Variants in APLP2 observed in about 807,000 individuals in gnomAD.
The protein encoded by APLP2 is amyloid beta precursor like protein 2, also known as CDEI box-binding protein.
APLP2 carries 53 observed loss-of-function variants against 89.9 expected under a neutral mutation model. The ratio of observed to expected loss-of-function variants is 0.59; its 90% CI spans 0.47 to 0.74. The LOEUF is 0.74. Among genes scored for constraint, APLP2 ranks in the 30% least tolerant of loss-of-function variants. The pLI is 0.00. For missense variants in APLP2, 973 were observed against 975.9 expected (o/e 1.00, Z 0.04); for synonymous variants, 372 against 348.6 (o/e 1.07, Z -0.75).
chr11:130,077,983 T>C (rs1942426195), intron 1 of APLP2, among the ~76,000 whole-genome samples: 1 of 152,202 alleles, frequency 6.6e-6, no homozygotes, highest in Non-Finnish European at 1.5e-5. Context: ...CAGTGTGTTT[T>C]TGTAAATGAA....
At chr11:130,124,041 G>A (rs767193079) in intron 7 of APLP2, among the ~76,000 whole-genome samples, 5 of 152,170 alleles carry the variant, frequency 3.3e-5, no homozygotes, top group Non-Finnish European at 5.9e-5. Context: ...TTGGTATAGC[G>A]GGCAGCACAG....
chr11:130,141,615 A>G lies in APLP2; in HGVS notation c.1998+43A>G. 4 of 1,560,474 alleles carry G rather than the reference A, an allele frequency of 2.6e-6. No individual in the cohort carries two copies. The highest frequency in any genetic ancestry group is 2.7e-6 in the Non-Finnish European group (3 of 1,131,992). The stretch of plus-strand genomic sequence containing the variant: ...GAACCTAAGGTTTCCTGCCAATCTT[A>G]GGTATTTCTCCTCTGGACCTTCTCA... On this transcript the variant is annotated intron_variant, in intron 15 of 16. Coordinates refer to ENST00000338167, the MANE Select transcript of APLP2 (RefSeq NM_001142276.2). The surrounding 1 kb of genome is among the most constrained non-coding windows in gnomAD (Gnocchi z 4.2).
chr11:130,087,985 C>T (rs2135487720), intron 1 of APLP2, among the ~76,000 whole-genome samples: 1 of 152,276 alleles, frequency 6.6e-6, no homozygotes, highest in South Asian at 2.1e-4. Context: ...TTAAGTATTG[C>T]TTTTAAAAGA....
In APLP2 at chr11:130,142,062, C is replaced by G; in HGVS notation, c.2142C>G (p.His714Gln). The change falls in exon 16 of 17, where the codon CAC (histidine) becomes CAG (glutamine). Residue 714 changes from histidine to glutamine, a missense_variant. Transcript: ENST00000338167. ...AGAGGCAGTATGGCACCATCAGCCACGGGATCGTGGAGGTGAGGAGCTGGG... is the reference window on the plus strand; with the variant it reads ...AGAGGCAGTATGGCACCATCAGCCAGGGGATCGTGGAGGTGAGGAGCTGGG... ...LRKRQYGTIS[H>Q]GIVEVDPMLT... 1 of 1,611,644 alleles carries G rather than the reference C, an allele frequency of 6.2e-7. No individual in the cohort carries two copies. Among genetic ancestry groups the G allele is most frequent in the Non-Finnish European group, 8.5e-7 (1 of 1,178,804 alleles).
In APLP2 at chr11:130,070,012, C is replaced by A. The variant is rs564053004; in HGVS notation, c.35C>A (p.Thr12Lys). ...ACCGGGACCGCGGCCGCCGCAGCCA[C>A]GGGCAGGCTCCTGCTTCTGCTGCTG... Reference protein sequence around the residue: ...AATGTAAAAATGRLLLLLLVG... With the variant: ...AATGTAAAAAKGRLLLLLLVG... The change falls in exon 1 of 17, where the codon ACG becomes AAG. Residue 12 changes from threonine to lysine, a missense_variant. Physicochemically the swap from Thr to Lys is moderately conservative, Grantham distance 78. Transcript: ENST00000338167. The A allele has an allele frequency of 2.7e-6, 4 of 1,507,896 alleles. No individual in the cohort carries two copies. In the South Asian group the frequency reaches 3.7e-5, roughly 14 times the overall value. 93.4% of individuals were successfully genotyped at this position (1,507,896 alleles called of 1,614,324 possible). A position where few individuals can be genotyped will look rare whatever the true frequency, so the allele number is the denominator to read the frequency against.
At chr11:130,092,862 A>G (rs1945614755) in intron 1 of APLP2, among the ~76,000 whole-genome samples, 1 of 152,052 alleles carries the variant, frequency 6.6e-6, no homozygotes, top group Non-Finnish European at 1.5e-5. Context: ...CCAGCAAATC[A>G]GAAAAGGCTG....
At position 130,135,574 on chromosome 11, in the gene APLP2, C is replaced by T; in HGVS notation, c.1696C>T (p.Gln566Ter). ...CCTGTCTTCATCAGATGAGCTCCTT[C>T]AGGAGCAGCGTGCAGATATGGACCA... Reference protein sequence around the residue: ...EIQEEIDELLQEQRADMDQFT... With the variant: ...EIQEEIDELL Residue 566 changes from glutamine (Q) to a stop codon, truncating the protein, a stop_gained, in exon 13 of 17, where the codon CAG becomes TAG. Coordinates refer to ENST00000338167, the MANE Select transcript of APLP2 (RefSeq NM_001142276.2). LOFTEE classifies it high-confidence loss of function. 6.2e-7 allele frequency: 1 copy of T among 1,614,104 alleles called. No individual in the cohort carries two copies. Among genetic ancestry groups the T allele is most frequent in the Non-Finnish European group, 8.5e-7 (1 of 1,179,982 alleles).
intron 1 of APLP2, among the ~76,000 whole-genome samples, chr11:130,091,398 G>A (rs1945139687): frequency 2.8e-5 from 4 of 145,294 alleles, no homozygotes; most frequent in Admixed American, 1.3e-4. Context: ...CGGATGGGGC[G>A]GCTGGCCGGG....
chr11:130,138,931 T>G (rs1489615203), intron 13 of APLP2: 2 of 152,086 alleles, frequency 1.3e-5, no homozygotes, highest in Admixed American at 6.6e-5. Flanking sequence ...AGTGCCACAT[T>G]GCTTTTTGAA....
chr11:130,071,418 C>A (rs373027094), intron 1 of APLP2, among the ~76,000 whole-genome samples: 1 of 152,168 alleles, frequency 6.6e-6, no homozygotes, highest in African/African-American at 2.4e-5. Flanking sequence ...TTTTGGATTG[C>A]GATTGTTTCA....
rs758938177 is a variant in APLP2 at position 130,133,600 on chromosome 11, A to G, written c.1585-29A>G. Reference sequence around the variant, plus strand: ...CCTGGCCTAGTTGTTTTCAGTCACAACACCTCTCCACCATAACTCTGCTTC... The same window carrying G: ...CCTGGCCTAGTTGTTTTCAGTCACAGCACCTCTCCACCATAACTCTGCTTC... On this transcript the variant is annotated intron_variant, in intron 11 of 16. Transcript: ENST00000338167. The G allele has an allele frequency of 1.3e-5, 21 of 1,572,730 alleles. No individual in the cohort carries two copies. In the Admixed American group the frequency reaches 3.2e-4, roughly 24 times the overall value.
In APLP2 at chr11:130,123,080, A is replaced by G. The variant is rs988930151; in HGVS notation, c.923-532A>G. Among the ~76,000 whole-genome samples the G allele has an allele frequency of 4.6e-5, 7 of 152,004 alleles. No homozygotes were observed. Among genetic ancestry groups the G allele is most frequent in the Non-Finnish European group, 1.0e-4 (7 of 68,018 alleles). ...TAACATGCAGCCTCCTGCTGATCGT[A>G]TATTTGAAACCAATTAAGATGCGAA... On this transcript the variant is annotated intron_variant, in intron 6 of 16. Coordinates refer to ENST00000338167, the MANE Select transcript of APLP2 (RefSeq NM_001142276.2). This position sits in a 1 kb window ranked among gnomAD's most constrained non-coding sequence, Gnocchi z 4.0.
chr11:130,121,729 C>T lies in APLP2; in HGVS notation c.632C>T (p.Ser211Phe). Residue 211 changes from serine to phenylalanine, a missense_variant, in exon 5 of 17, where the codon TCT becomes TTT. Physicochemically the swap from Ser to Phe is radical, Grantham distance 155 (BLOSUM62 -2). Coordinates refer to ENST00000338167, the MANE Select transcript of APLP2 (RefSeq NM_001142276.2). ...TGCCCTCAGACAAAGATTATTGGAT[C>T]TGTGTCAAAAGAAGAGGAAGAGGAA... ...VCCPQTKIIGSVSKEEEEEDE... is the reference protein window; with the variant it reads ...VCCPQTKIIGFVSKEEEEEDE... 6.2e-7 allele frequency: 1 copy of T among 1,613,834 alleles called. No individual in the cohort carries two copies. The highest frequency in any genetic ancestry group is 8.5e-7 in the Non-Finnish European group (1 of 1,179,996).
intron 1 of APLP2, chr11:130,101,800 C>CT: frequency 2.7e-6 from 1 of 373,176 alleles, no homozygotes; most frequent in Non-Finnish European, 5.3e-6. Flanking sequence ...TGCACTGGCA[C>CT]AGCACTGTTA....
chr11:130,110,459 T>C, intron 2 of APLP2, 79 bp from the exon 3 acceptor site: 12 of 1,548,446 alleles, frequency 7.7e-6, no homozygotes, highest in Middle Eastern at 1.8e-4. Context: ...CTGAATAAAC[T>C]TAGACACTCC....
Position 130,121,817 on chromosome 11 carries a change from C to G in APLP2, c.713+7C>G, listed in dbSNP as rs1171441676. ...ACTATGATGTTTATAAAAGGTAACT[C>G]TTCTACTTTGAACTGTGAAGTCGTT... is the stretch of plus-strand genomic sequence containing the variant. On this transcript the variant is annotated splice_region_variant and intron_variant, in intron 5 of 16. Transcript: ENST00000338167. 7.5e-6 allele frequency: 12 copies of G among 1,607,234 alleles called. No homozygotes were observed. The highest frequency in any genetic ancestry group is 1.0e-5 in the Non-Finnish European group (12 of 1,179,632).
intron 2 of APLP2, 123 bp from the exon 3 acceptor site, chr11:130,110,415 G>A: frequency 8.4e-7 from 1 of 1,191,192 alleles, no homozygotes; most frequent in Non-Finnish European, 1.2e-6. Flanking sequence ...ATAATGGAGT[G>A]GAACTTTAGA....
At chr11:130,070,683 G>GC (rs1171039144) in intron 1 of APLP2, 3 of 1,477,600 alleles carry the variant, frequency 2.0e-6, no homozygotes, top group Non-Finnish European at 2.7e-6. Flanking sequence ...GGGCCGGGTC[G>GC]CGGACGCGCA....
At chr11:130,122,018 T>C (rs1025566584) in intron 5 of APLP2, among the ~76,000 whole-genome samples, 10 of 152,222 alleles carry the variant, frequency 6.6e-5, no homozygotes, top group African/African-American at 2.2e-4. Context: ...TGAGCTGTTA[T>C]TTTCTGCAGG....
Sources: allele counts gnomAD v4.1 joint callset (sites outside exome capture counted in the v4.1 genomes callset), GRCh38; gene constraint gnomAD v4.1.1; non-coding constraint Gnocchi (gnomAD v3.1); transcripts MANE v1.5; gene names NCBI Gene and HGNC (gene_info 2026-07-23, HGNC 2026-07-21).